Variants in ATP6V0D2 observed in about 807,000 individuals in gnomAD.
ATP6V0D2 encodes the protein ATPase H+ transporting V0 subunit d2.
ATP6V0D2 carries 40 observed loss-of-function variants against 40.0 expected under a neutral mutation model. The observed-to-expected ratio is 1.00, with a 90% CI of 0.78 to 1.30. The LOEUF (loss-of-function observed/expected upper bound fraction) is 1.30. ATP6V0D2 is among the 50% of genes most tolerant of loss of function. The pLI is 0.00. For missense variants in ATP6V0D2, 470 were observed against 423.1 expected (o/e 1.11, Z -0.97); for synonymous variants, 179 against 156.3 (o/e 1.15, Z -1.08).
chr8:86,129,061 T>A (rs1818781471), intron 2 of ATP6V0D2, among the ~76,000 whole-genome samples: 1 of 152,182 alleles, frequency 6.6e-6, no homozygotes, highest in South Asian at 2.1e-4. Context: ...GAAAATATCT[T>A]CTTCTAACAG....
chr8:86,146,027 T>C (rs1278489263), intron 5 of ATP6V0D2, among the ~76,000 whole-genome samples: 1 of 152,144 alleles, frequency 6.6e-6, no homozygotes, highest in Non-Finnish European at 1.5e-5. Context: ...AGCTAGTAAG[T>C]CACGATTGGA....
intron 6 of ATP6V0D2, 31 bp downstream of exon 6, chr8:86,150,319 T>C (rs760275341): frequency 3.1e-6 from 5 of 1,591,706 alleles, no homozygotes; most frequent in Non-Finnish European, 3.4e-6. Flanking sequence ...CCCTAAGTCC[T>C]TTGTGTTCAT....
chr8:86,136,122 ATTG>A (rs1478406028), intron 2 of ATP6V0D2, among the ~76,000 whole-genome samples: 1 of 152,182 alleles, frequency 6.6e-6, no homozygotes, highest in Non-Finnish European at 1.5e-5. Flanking sequence ...AACTGGTATT[ATTG>A]TTCCATTTTA....
At chr8:86,143,393 A>G (rs2130276830) in intron 5 of ATP6V0D2, among the ~76,000 whole-genome samples, 1 of 152,334 alleles carries the variant, frequency 6.6e-6, no homozygotes, top group Middle Eastern at 3.4e-3. Flanking sequence ...AAAGTAAAGG[A>G]GTAAAAGCAT....
chr8:86,134,994 G>A (rs1818878709), intron 2 of ATP6V0D2, among the ~76,000 whole-genome samples: 1 of 152,134 alleles, frequency 6.6e-6, no homozygotes, highest in African/African-American at 2.4e-5. Flanking sequence ...ATTATAGAGT[G>A]GGAGAACTGA....
intron 2 of ATP6V0D2, among the ~76,000 whole-genome samples, chr8:86,127,442 A>G (rs1415018679): frequency 2.0e-5 from 3 of 151,500 alleles, no homozygotes; most frequent in Non-Finnish European, 4.4e-5. Context: ...TCCATGAACA[A>G]TGACCCCTGA....
intron 1 of ATP6V0D2, among the ~76,000 whole-genome samples, chr8:86,110,780 T>G (rs1818520258): frequency 6.6e-6 from 1 of 152,156 alleles, no homozygotes; most frequent in Admixed American, 6.5e-5. Context: ...TGCCAGTAGG[T>G]TATGTATTAA....
intron 1 of ATP6V0D2, among the ~76,000 whole-genome samples, chr8:86,104,850 T>TACACACACACAC (rs146266622): frequency 0.083 from 12,154 of 145,908 alleles, 545 homozygotes; most frequent in Middle Eastern, 0.11. Context: ...TTAAAACACA[T>TACACACACACAC]ACACACACAC....
chr8:86,118,352 G>A (rs941835423), intron 2 of ATP6V0D2, among the ~76,000 whole-genome samples: 8 of 151,806 alleles, frequency 5.3e-5, no homozygotes, highest in African/African-American at 1.9e-4. Context: ...GGGATTACAG[G>A]CGTGAGCCAC....
chr8:86,109,923 G>A (rs979667151), intron 1 of ATP6V0D2, among the ~76,000 whole-genome samples: 4 of 152,036 alleles, frequency 2.6e-5, no homozygotes, highest in African/African-American at 9.7e-5. Flanking sequence ...TTCATAGCTC[G>A]CAGTGGCTTC....
chr8:86,135,168 A>G (rs1361358779), intron 2 of ATP6V0D2, among the ~76,000 whole-genome samples: 1 of 152,202 alleles, frequency 6.6e-6, no homozygotes, highest in Non-Finnish European at 1.5e-5. Flanking sequence ...GTCATTTCTC[A>G]GCTATTGCTA....
intron 5 of ATP6V0D2, among the ~76,000 whole-genome samples, chr8:86,149,077 C>CAAAAAAAAA (rs1819109621): frequency 2.5e-4 from 9 of 35,754 alleles, no homozygotes; most frequent in African/African-American, 4.6e-4. Context: ...AAAAAAAAAC[C>CAAAAAAAAA]AATGAACAAG....
intron 2 of ATP6V0D2, among the ~76,000 whole-genome samples, chr8:86,115,048 AAGT>A (rs1818575256): frequency 6.6e-6 from 1 of 152,194 alleles, no homozygotes; most frequent in African/African-American, 2.4e-5. Context: ...TCAGTACTAG[AAGT>A]AGGAAATTAG....
At chr8:86,130,722 C>T (rs1227323185) in intron 2 of ATP6V0D2, among the ~76,000 whole-genome samples, 3 of 152,050 alleles carry the variant, frequency 2.0e-5, no homozygotes, top group African/African-American at 7.2e-5. Context: ...AGAAGCACTC[C>T]CTCCCCAGAG....
intron 2 of ATP6V0D2, among the ~76,000 whole-genome samples, chr8:86,120,169 G>A (rs1484802719): frequency 1.3e-5 from 2 of 152,144 alleles, no homozygotes; most frequent in Admixed American, 1.3e-4. Flanking sequence ...AGGCCAAGGT[G>A]GAAGGATCAC....
intron 2 of ATP6V0D2, among the ~76,000 whole-genome samples, chr8:86,119,762 T>C (rs1218267436): frequency 6.6e-6 from 1 of 151,898 alleles, no homozygotes; most frequent in Non-Finnish European, 1.5e-5. Context: ...ATTGGAAAGG[T>C]GGTTTTGGTA....
intron 2 of ATP6V0D2, among the ~76,000 whole-genome samples, chr8:86,135,351 G>T (rs1818882930): frequency 1.3e-5 from 2 of 152,164 alleles, no homozygotes; most frequent in African/African-American, 4.8e-5. Flanking sequence ...AAGCTAGGGA[G>T]CAGGAGGAGA....
At chr8:86,118,972 C>G (rs1453297326) in intron 2 of ATP6V0D2, among the ~76,000 whole-genome samples, 8 of 152,098 alleles carry the variant, frequency 5.3e-5, no homozygotes, top group Non-Finnish European at 7.3e-5. Context: ...TAGCAGTAGG[C>G]TTCATAAAAT....
chr8:86,116,044 G>A (rs780563230), intron 2 of ATP6V0D2, among the ~76,000 whole-genome samples: 1 of 152,014 alleles, frequency 6.6e-6, no homozygotes, highest in Non-Finnish European at 1.5e-5. Context: ...ACAATCTGAG[G>A]ATCAATTTTA....
Sources: allele counts gnomAD v4.1 joint callset (sites outside exome capture counted in the v4.1 genomes callset), GRCh38; gene constraint gnomAD v4.1.1; transcripts MANE v1.5; gene names NCBI Gene and HGNC (gene_info 2026-07-23, HGNC 2026-07-21).